The following SNAPC1 variants were observed in gnomAD, a reference collection of about 807,000 sequenced individuals.
SNAPC1 encodes the protein small nuclear RNA activating complex polypeptide 1.
SNAPC1 carries 42 observed loss-of-function variants against 50.1 expected under a neutral mutation model. That is an observed-to-expected ratio of 0.84 (90% confidence interval 0.65 to 1.08). The LOEUF (loss-of-function observed/expected upper bound fraction) is 1.08. SNAPC1 is among the 50% of genes least tolerant of loss of function. SNAPC1 has a pLI of 0.00. For missense variants in SNAPC1, 477 were observed against 427.3 expected (o/e 1.12, Z -1.02); for synonymous variants, 164 against 144.2 (o/e 1.14, Z -0.98).
At chr14:61,775,562 A>G (rs565778873) in intron 4 of SNAPC1, among the ~76,000 whole-genome samples, 2 of 152,148 alleles carry the variant, frequency 1.3e-5, no homozygotes, top group South Asian at 2.1e-4. Context: ...CCTACCCTCT[A>G]TATCTTTAAT....
chr14:61,786,887 A>G (rs2140184674), intron 8 of SNAPC1, among the ~76,000 whole-genome samples: 1 of 152,384 alleles, frequency 6.6e-6, no homozygotes, highest in African/African-American at 2.4e-5. Context: ...CAAGAACTGC[A>G]AACAGCCTAA....
chr14:61,779,532 G>A (rs1273963565), intron 7 of SNAPC1, among the ~76,000 whole-genome samples: 1 of 151,432 alleles, frequency 6.6e-6, no homozygotes, highest in Non-Finnish European at 1.5e-5. Context: ...TTCATTACCA[G>A]TAATTTTTTT....
In SNAPC1 at chr14:61,762,587, T is replaced by G. The variant is rs750806778; in HGVS notation, c.127T>G (p.Cys43Gly). The part of the protein sequence containing the change: ...WRNMKFGTIF[C>G]GRMRNLEKNM... Reference sequence around the variant, plus strand: ...AAACATGAAGTTCGGGACTATCTTCTGGTGGGTGTTTCTTGTCCACCACCC... The same window carrying G: ...AAACATGAAGTTCGGGACTATCTTCGGGTGGGTGTTTCTTGTCCACCACCC... Residue 43 changes from cysteine (C) to glycine (G), a missense_variant and splice_region_variant, in exon 1 of 10, where the codon TGT becomes GGT. By Grantham distance (159) the Cys-to-Gly change is radical. Transcript: ENST00000216294. 6.2e-7 allele frequency: 1 copy of G among 1,613,230 alleles called. No individual in the cohort carries two copies.
At chr14:61,770,042 G>T (rs373016244) in intron 4 of SNAPC1, among the ~76,000 whole-genome samples, 1 of 151,990 alleles carries the variant, frequency 6.6e-6, no homozygotes, top group Admixed American at 6.5e-5. Flanking sequence ...TATTTCATTC[G>T]GTTGTTCTGC....
At chr14:61,762,819 T>G (rs1171214410) in intron 1 of SNAPC1, among the ~76,000 whole-genome samples, 1 of 151,936 alleles carries the variant, frequency 6.6e-6, no homozygotes, top group Non-Finnish European at 1.5e-5. Context: ...CGTCTCTGCC[T>G]GGCCTCCCTT....
chr14:61,764,677 G>A (rs1198683711), intron 1 of SNAPC1, among the ~76,000 whole-genome samples: 1 of 152,064 alleles, frequency 6.6e-6, no homozygotes, highest in South Asian at 2.1e-4. Context: ...CACTTCTTGG[G>A]GGGAAAAATG....
At chr14:61,792,960 C>A in intron 9 of SNAPC1, 58 bp downstream of exon 9, 1 of 845,570 alleles carries the variant, frequency 1.2e-6, no homozygotes, top group Non-Finnish European at 1.9e-6. Context: ...CGTAGAGCAT[C>A]AAGGTTTAGA....
chr14:61,770,059 A>T (rs2044976565), intron 4 of SNAPC1, among the ~76,000 whole-genome samples: 1 of 152,196 alleles, frequency 6.6e-6, no homozygotes, highest in African/African-American at 2.4e-5. Context: ...CTGCAAATTG[A>T]AATGAGGTGA....
chr14:61,766,775 C>A, intron 1 of SNAPC1, 101 bp from the exon 2 acceptor site: 1 of 615,900 alleles, frequency 1.6e-6, no homozygotes, highest in Non-Finnish European at 2.8e-6. Flanking sequence ...ATGGAATCCT[C>A]ATCAAATTAT....
chr14:61,773,632 A>T (rs2045011728), intron 4 of SNAPC1, among the ~76,000 whole-genome samples: 2 of 149,910 alleles, frequency 1.3e-5, no homozygotes, highest in South Asian at 4.2e-4. Context: ...TCCTGACCTC[A>T]TGATCCGCCC....
chr14:61,792,720 G>A (rs1594653903), intron 8 of SNAPC1, 87 bp from the exon 9 acceptor site: 3 of 701,698 alleles, frequency 4.3e-6, no homozygotes, highest in Non-Finnish European at 6.9e-6. Context: ...TTTTTATGCT[G>A]TAATAATGAC....
rs368878275 is a variant in SNAPC1, at chr14:61,783,860, G to T, written c.976+1463G>T. On this transcript the variant is annotated intron_variant, in intron 8 of 9. Transcript: ENST00000216294. ...GCAATAGTTTGGTTTTTTAAAAATT[G>T]TCTGAATAATGTATATGCACCCTAC... 5.3e-5 allele frequency among the ~76,000 whole-genome samples: 8 copies of T among 152,174 alleles called. No homozygotes were observed. The East Asian group carries it at 9.7e-4, about 18-fold the overall frequency.
At chr14:61,779,708 G>GTTTTTTT (rs5809124) in intron 7 of SNAPC1, among the ~76,000 whole-genome samples, 1 of 115,512 alleles carries the variant, frequency 8.7e-6, no homozygotes, top group Non-Finnish European at 1.7e-5. Context: ...CACTTTGTTG[G>GTTTTTTT]TTTTTTTTTT....
In SNAPC1 at chr14:61,776,015, G is replaced by A. The variant is rs1453931298; in HGVS notation, c.535-80G>A. 2.4e-5 allele frequency: 26 copies of A among 1,066,766 alleles called. No homozygotes were observed. In the South Asian group the frequency reaches 3.8e-4, roughly 15 times the overall value. The allele number at this position is 1,066,766 out of a possible 1,614,324, so 66.1% of individuals were successfully genotyped here. ...TATCAACTGGAAGTCACTTTGGAAG[G>A]TGACTATTTTGTGTTGGTTTTGCCT... On this transcript the variant is annotated intron_variant, in intron 4 of 9. Transcript: ENST00000216294.
In SNAPC1 at chr14:61,782,348, G is replaced by T; in HGVS notation, c.927G>T (p.Lys309Asn). The change falls in exon 8 of 10, where the codon AAG (lysine) becomes AAT (asparagine). Residue 309 changes from lysine to asparagine, a missense_variant. Coordinates refer to ENST00000216294, the MANE Select transcript of SNAPC1 (RefSeq NM_003082.4). ...GQVKATRKKE[K>N]KERLKPAGRK... ...TCAAAGCAACTAGGAAAAAAGAGAAGAAAGAAAGATTGAAACCAGCAGGAA... is the reference window on the plus strand; with the variant it reads ...TCAAAGCAACTAGGAAAAAAGAGAATAAAGAAAGATTGAAACCAGCAGGAA... 1 of 1,613,476 alleles carries T rather than the reference G, an allele frequency of 6.2e-7. No individual in the cohort carries two copies. The highest frequency in any genetic ancestry group is 1.1e-5 in the South Asian group (1 of 90,972).
intron 7 of SNAPC1, 122 bp from the exon 8 acceptor site, chr14:61,782,125 C>T (rs2045079423): frequency 1.3e-6 from 1 of 761,314 alleles, no homozygotes; most frequent in South Asian, 2.1e-5. Context: ...TAGTAAAGTA[C>T]TTTATGACAG....
At position 61,767,450 on chromosome 14, in the gene SNAPC1, T is replaced by C. The variant is rs540470495; in HGVS notation, c.429+98T>C. ...CTCCAGAAAATGGAATAAGTATTGATAGTGTTCAAGACTTTTAGCTTTTTT... is the reference window on the plus strand; with the variant it reads ...CTCCAGAAAATGGAATAAGTATTGACAGTGTTCAAGACTTTTAGCTTTTTT... On this transcript the variant is annotated intron_variant, in intron 3 of 9. Coordinates refer to ENST00000216294, the MANE Select transcript of SNAPC1 (RefSeq NM_003082.4). 461 of 748,472 alleles carry C rather than the reference T, an allele frequency of 6.2e-4. 12 individuals are homozygous for C. In the South Asian group the frequency reaches 0.02, roughly 33 times the overall value. 46.4% of individuals were successfully genotyped at this position (748,472 alleles called of 1,614,324 possible).
At chr14:61,781,602 T>C (rs921287030) in intron 7 of SNAPC1, among the ~76,000 whole-genome samples, 9 of 148,204 alleles carry the variant, frequency 6.1e-5, no homozygotes, top group South Asian at 2.1e-4. Context: ...GCTAAAGATA[T>C]CTGTGTCGCA....
chr14:61,772,333 C>T (rs1161257109), intron 4 of SNAPC1, among the ~76,000 whole-genome samples: 1 of 152,066 alleles, frequency 6.6e-6, no homozygotes, highest in Non-Finnish European at 1.5e-5. Flanking sequence ...CTGCAACTGC[C>T]ACCCGGGTTC....
Sources: gnomAD v4.1 joint callset for allele counts (sites outside exome capture counted in the v4.1 genomes callset) on GRCh38, gnomAD v4.1.1 for gene constraint, MANE v1.5 for transcripts, NCBI Gene and HGNC (gene_info 2026-07-23, HGNC 2026-07-21) for gene names.